The following REELD1 variants were observed in gnomAD, a reference collection of about 807,000 sequenced individuals.
The protein encoded by REELD1 is reeler domain containing 1, also known as reelin domain-containing protein 1.
Under a neutral mutation model 6.3 loss-of-function variants are expected in REELD1, and 12 were observed. That is an observed-to-expected ratio of 1.89 (90% CI 1.21 to 3.07). The LOEUF (loss-of-function observed/expected upper bound fraction) is 3.07, where lower values mean the gene tolerates loss of function less well. Among genes scored for constraint, REELD1 ranks in the 30% most tolerant of loss-of-function variants. The pLI is 0.00. For missense variants in REELD1, 163 were observed against 86.8 expected, an observed-to-expected ratio of 1.88 and a Z score of -3.49; for synonymous variants, 57 against 33.6, an observed-to-expected ratio of 1.70 and a Z score of -2.42.
chr4:146,222,771 A>G (rs901261589), intron 4 of REELD1, among the ~76,000 whole-genome samples, 192 bp downstream of exon 4: 2 of 152,110 alleles, frequency 1.3e-5, no homozygotes, highest in South Asian at 2.1e-4. Flanking sequence ...ATTGCCCCCA[A>G]ACTCATCCCT....
chr4:146,216,287 T>A (rs550698011), intron 2 of REELD1, among the ~76,000 whole-genome samples: 1 of 152,378 alleles, frequency 6.6e-6, no homozygotes, highest in Admixed American at 6.5e-5. Flanking sequence ...GTTATCAGTA[T>A]GTTTAAGAAG....
intron 2 of REELD1, among the ~76,000 whole-genome samples, chr4:146,215,752 C>CTTTTT (rs3029291): frequency 8.1e-6 from 1 of 122,804 alleles, no homozygotes; most frequent in Non-Finnish European, 1.7e-5. Context: ...AAAAACAGAA[C>CTTTTT]TTTTTTTTTT....
At chr4:146,224,349 C>T in intron 4 of REELD1, 96 bp from the exon 5 acceptor site, 1 of 475,060 alleles carries the variant, frequency 2.1e-6, no homozygotes. Flanking sequence ...TCCTCTTTAT[C>T]TGTTAGTGTG....
intron 5 of REELD1, among the ~76,000 whole-genome samples, chr4:146,225,906 T>C (rs1186741668): frequency 1.3e-5 from 2 of 152,100 alleles, no homozygotes; most frequent in Non-Finnish European, 2.9e-5. Flanking sequence ...GTCTTCCCCA[T>C]TTGTTCCACT....
intron 2 of REELD1, among the ~76,000 whole-genome samples, 185 bp from the exon 3 acceptor site, chr4:146,216,757 C>T (rs564444796): frequency 6.6e-6 from 1 of 152,330 alleles, no homozygotes; most frequent in East Asian, 1.9e-4. Flanking sequence ...GGAAATGAAA[C>T]ACTTCCTATA....
At chr4:146,221,276 C>A (rs1015925303) in intron 3 of REELD1, among the ~76,000 whole-genome samples, 1 of 152,202 alleles carries the variant, frequency 6.6e-6, no homozygotes, top group African/African-American at 2.4e-5. Flanking sequence ...AGGTACCTCA[C>A]ATAAGTGGAA....
In REELD1 at chr4:146,228,461, C is replaced by T; in HGVS notation, c.847C>T (p.Leu283Phe). The T allele has an allele frequency of 1.4e-6, 1 of 702,542 alleles. No homozygotes were observed. Among genetic ancestry groups the T allele is most frequent in the Non-Finnish European group, 2.6e-6 (1 of 384,978 alleles). The allele number at this position is 702,542 out of a possible 1,614,324, so 43.5% of individuals were successfully genotyped here. A position where few individuals can be genotyped will look rare whatever the true frequency, so the allele number is the denominator to read the frequency against. Reference sequence around the variant, plus strand: ...CCTGGAGGTCCACAGGCTGGAGAGGCTCGTGGCCCTCAAGAGAGTCTCCTC... The same window carrying T: ...CCTGGAGGTCCACAGGCTGGAGAGGTTCGTGGCCCTCAAGAGAGTCTCCTC... ...PSLEVHRLERLVALKRVSSES... is the reference protein window; with the variant it reads ...PSLEVHRLERFVALKRVSSES... Residue 283 changes from leucine to phenylalanine, a missense_variant, in exon 6 of 8, where the codon CTC becomes TTC. Physicochemically the swap from Leu to Phe is conservative, Grantham distance 22. Coordinates refer to ENST00000623665, the MANE Select transcript of REELD1 (RefSeq NM_001354631.1).
intron 5 of REELD1, 137 bp from the exon 6 acceptor site, chr4:146,228,073 A>T (rs1240731538): frequency 1.7e-6 from 1 of 604,734 alleles, no homozygotes; most frequent in East Asian, 2.8e-5. Context: ...GACACTTTTA[A>T]GTGCCTCACA....
intron 5 of REELD1, among the ~76,000 whole-genome samples, chr4:146,225,013 T>C (rs1039601736): frequency 1.3e-5 from 2 of 152,242 alleles, no homozygotes; most frequent in African/African-American, 4.8e-5. Context: ...TTTCTTCGTC[T>C]TTTCTCATAA....
chr4:146,219,888 C>T (rs1730890115), intron 3 of REELD1, among the ~76,000 whole-genome samples: 2 of 152,082 alleles, frequency 1.3e-5, no homozygotes, highest in African/African-American at 2.4e-5. Flanking sequence ...ATATTTTTTA[C>T]CTAACAATCA....
chr4:146,220,071 T>G (rs1730896383), intron 3 of REELD1, among the ~76,000 whole-genome samples: 1 of 152,160 alleles, frequency 6.6e-6, no homozygotes, highest in Non-Finnish European at 1.5e-5. Context: ...GCCTCCCCAG[T>G]AGCTGGGACT....
In REELD1 at chr4:146,224,504, C is replaced by G. The variant is rs1032954256; in HGVS notation, c.491C>G (p.Ser164Cys). The change falls in exon 5 of 8, where the codon TCT becomes TGT. Residue 164 changes from serine (S) to cysteine (C), a missense_variant. Ser to Cys is a moderately radical substitution (Grantham distance 112). Transcript: ENST00000623665. ...GCAAGGATTGAATCATCTGTTGTGT[C>G]TCAACAGACACATAGCAGCGCCCAT... The part of the protein sequence containing the change: ...YWARIESSVV[S>C]QQTHSSAHSD... 1.4e-5 allele frequency: 10 copies of G among 697,814 alleles called. No homozygotes were observed. The highest frequency in any genetic ancestry group is 2.6e-5 in the Non-Finnish European group (10 of 382,522). The allele number at this position is 697,814 out of a possible 1,614,324, so 43.2% of individuals were successfully genotyped here.
chr4:146,215,626 A>G lies in REELD1; in HGVS notation c.-12+428A>G, dbSNP rs1473009574. ...TTCAGGATTTTATTTTCACCTTTTA[A>G]AACCAGCTGACTACAGGGGAGGGCA... On this transcript the variant is annotated intron_variant, in intron 2 of 7. Coordinates refer to ENST00000623665, the MANE Select transcript of REELD1 (RefSeq NM_001354631.1). 2.7e-5 allele frequency among the ~76,000 whole-genome samples: 4 copies of G among 147,036 alleles called. No individual in the cohort carries two copies. The East Asian group carries it at 7.8e-4, about 29-fold the overall frequency.
At chr4:146,226,400 C>T (rs936366880) in intron 5 of REELD1, among the ~76,000 whole-genome samples, 2 of 152,140 alleles carry the variant, frequency 1.3e-5, no homozygotes, top group Non-Finnish European at 2.9e-5. Flanking sequence ...GCTGCTATGA[C>T]AAAACATCCT....
intron 4 of REELD1, among the ~76,000 whole-genome samples, chr4:146,224,032 CAT>C (rs1164848552): frequency 5.9e-5 from 9 of 152,208 alleles, no homozygotes; most frequent in African/African-American, 1.9e-4. Context: ...TAAGGGTAGA[CAT>C]GTACAATTAT....
chr4:146,228,337 G>A lies in REELD1; in HGVS notation c.723G>A (p.Gly241=). The change falls in exon 6 of 8, where the codon GGG becomes GGA. Residue 241 remains glycine, a synonymous_variant. Coordinates refer to ENST00000623665, the MANE Select transcript of REELD1 (RefSeq NM_001354631.1). ...GTATTTGGGTGACAAAGTTTCCTGG[G>A]GATGCAGAGACTCTGTCCCAACCAT... The part of the protein sequence containing the change: ...PASIWVTKFP[G]DAETLSQPSS... The A allele has an allele frequency of 7.1e-6, 5 of 702,512 alleles. No individual in the cohort carries two copies. The highest frequency in any genetic ancestry group is 1.3e-5 in the Non-Finnish European group (5 of 384,992). The allele number at this position is 702,512 out of a possible 1,614,324, so 43.5% of individuals were successfully genotyped here.
chr4:146,226,169 A>C (rs1731018518), intron 5 of REELD1, among the ~76,000 whole-genome samples: 1 of 152,224 alleles, frequency 6.6e-6, no homozygotes, highest in South Asian at 2.1e-4. Flanking sequence ...TATATTGTAT[A>C]TCTGAAACTT....
intron 5 of REELD1, among the ~76,000 whole-genome samples, chr4:146,226,837 C>T (rs1163714422): frequency 6.6e-6 from 1 of 152,206 alleles, no homozygotes; most frequent in Non-Finnish European, 1.5e-5. Flanking sequence ...GTGATGCAGT[C>T]TCAGCTCACT....
intron 3 of REELD1, among the ~76,000 whole-genome samples, chr4:146,221,219 C>T (rs1238908317): frequency 6.6e-6 from 1 of 152,200 alleles, no homozygotes; most frequent in Non-Finnish European, 1.5e-5. Context: ...TGCCCAGACC[C>T]AGATAACTTT....
Sources: allele counts gnomAD v4.1 joint callset (sites outside exome capture counted in the v4.1 genomes callset), GRCh38; gene constraint gnomAD v4.1.1; transcripts MANE v1.5; gene names NCBI Gene and HGNC (gene_info 2026-07-23, HGNC 2026-07-21).